The following SH3GL3 variants were observed in gnomAD, a reference collection of about 807,000 sequenced individuals.
SH3GL3 encodes the protein endophilin-A3.
A neutral mutation model predicts 47.7 loss-of-function variants in SH3GL3; 33 were observed. The observed-to-expected ratio is 0.69, with a 90% CI of 0.52 to 0.92. SH3GL3 has a LOEUF of 0.92. SH3GL3 is among the 40% of genes least tolerant of loss of function. SH3GL3 has a pLI of 0.00. For synonymous variants in SH3GL3, 155 were observed against 148.8 expected (o/e 1.04, Z -0.30); for missense variants, 363 against 417.8 (o/e 0.87, Z 1.14).
chr15:83,516,372 A>T (rs1290338876), intron 1 of SH3GL3, among the ~76,000 whole-genome samples: 1 of 152,092 alleles, frequency 6.6e-6, no homozygotes, highest in African/African-American at 2.4e-5. Context: ...TGTGGCAATC[A>T]CTTATTGCTT....
At chr15:83,538,893 G>T (rs904154212) in intron 1 of SH3GL3, among the ~76,000 whole-genome samples, 1 of 152,102 alleles carries the variant, frequency 6.6e-6, no homozygotes, top group Non-Finnish European at 1.5e-5. Flanking sequence ...GAGTCATAGG[G>T]TATGGTTATT....
At chr15:83,481,312 A>T (rs2041346955) in intron 1 of SH3GL3, among the ~76,000 whole-genome samples, 1 of 151,586 alleles carries the variant, frequency 6.6e-6, no homozygotes, top group African/African-American at 2.4e-5. Context: ...TTCCTGTCAC[A>T]GGGAGCGGAA....
At chr15:83,478,764 C>T (rs775732696) in intron 1 of SH3GL3, among the ~76,000 whole-genome samples, 1 of 152,176 alleles carries the variant, frequency 6.6e-6, no homozygotes, top group African/African-American at 2.4e-5. Context: ...GGGTAAAGAG[C>T]AGCTCCAACA....
At chr15:83,503,003 T>C (rs2042355619) in intron 1 of SH3GL3, among the ~76,000 whole-genome samples, 1 of 152,206 alleles carries the variant, frequency 6.6e-6, no homozygotes, top group Non-Finnish European at 1.5e-5. Context: ...TGAGTGTTTG[T>C]AGTGGCTTTT....
intron 1 of SH3GL3, chr15:83,489,227 T>C (rs1401077607): frequency 6.6e-6 from 1 of 152,228 alleles, no homozygotes; most frequent in African/African-American, 2.4e-5. Flanking sequence ...CTGGGAATCA[T>C]GCTCATTGAT....
chr15:83,466,940 A>G (rs1171130894), intron 1 of SH3GL3, among the ~76,000 whole-genome samples: 1 of 152,184 alleles, frequency 6.6e-6, no homozygotes, highest in Non-Finnish European at 1.5e-5. Context: ...TATATTATAG[A>G]TATTAGTCCT....
chr15:83,568,720 T>A (rs748643252), intron 4 of SH3GL3, 48 bp downstream of exon 4: 9 of 1,463,438 alleles, frequency 6.1e-6, no homozygotes, highest in Middle Eastern at 3.5e-4. Flanking sequence ...TCCTCCAGTA[T>A]GGTTTTAGGT....
chr15:83,626,175 T>A, the SH3GL3 span, among the ~76,000 whole-genome samples: 2 of 152,190 alleles, frequency 1.3e-5, no homozygotes, highest in Non-Finnish European at 2.9e-5. Flanking sequence ...CTTTTTTTCT[T>A]ACCATTAAGA....
chr15:83,463,012 C>T (rs950273624), intron 1 of SH3GL3, among the ~76,000 whole-genome samples: 6 of 152,194 alleles, frequency 3.9e-5, no homozygotes, highest in African/African-American at 9.6e-5. Flanking sequence ...AAGGGGGAAA[C>T]GTGAAAGTTG....
At chr15:83,601,348 T>G (rs1294218461) in intron 8 of SH3GL3, among the ~76,000 whole-genome samples, 1 of 152,188 alleles carries the variant, frequency 6.6e-6, no homozygotes, top group East Asian at 1.9e-4. Context: ...ATAGATGGTT[T>G]TTATTACATT....
At chr15:83,600,153 TCTGA>T (rs975239243) in intron 8 of SH3GL3, among the ~76,000 whole-genome samples, 3 of 152,180 alleles carry the variant, frequency 2.0e-5, no homozygotes, top group Non-Finnish European at 4.4e-5. Context: ...GTCTGTACAC[TCTGA>T]CTGTTCCTTT....
chr15:83,553,921 C>G (rs987132496), intron 1 of SH3GL3, among the ~76,000 whole-genome samples: 16 of 152,044 alleles, frequency 1.1e-4, no homozygotes, highest in Non-Finnish European at 1.8e-4. Context: ...CATACTTTCC[C>G]TCTTGGTTCG....
intron 8 of SH3GL3, among the ~76,000 whole-genome samples, chr15:83,593,814 A>C (rs886467200): frequency 6.7e-6 from 1 of 149,170 alleles, no homozygotes; most frequent in Non-Finnish European, 1.5e-5. Context: ...TAGATTTTTC[A>C]TAGATTTTTT....
chr15:83,522,579 T>C (rs143084515), intron 1 of SH3GL3, among the ~76,000 whole-genome samples: 1 of 152,368 alleles, frequency 6.6e-6, no homozygotes, highest in East Asian at 1.9e-4. Context: ...ATACTGTTAC[T>C]ACGTTAATTT....
intron 8 of SH3GL3, among the ~76,000 whole-genome samples, chr15:83,612,707 A>G (rs1467591070): frequency 6.6e-6 from 1 of 152,118 alleles, no homozygotes; most frequent in Non-Finnish European, 1.5e-5. Context: ...TTCTCACTGC[A>G]GGCCCCTTCC....
intron 6 of SH3GL3, among the ~76,000 whole-genome samples, chr15:83,585,257 C>A (rs1006766319): frequency 6.6e-6 from 1 of 152,212 alleles, no homozygotes; most frequent in Non-Finnish European, 1.5e-5. Context: ...TTCCCAAAGT[C>A]AGCCACCCAA....
In SH3GL3 at chr15:83,562,030, AACACACACACACACACACAC is replaced by A. The variant is rs55856428; in HGVS notation, c.114+2742_114+2761del. On this transcript the variant is annotated intron_variant, in intron 2 of 8. Coordinates refer to ENST00000427482, the MANE Select transcript of SH3GL3 (RefSeq NM_003027.5). ...TTGACTTGAACAGACACACACACAC[AACACACACACACACACACAC>A]ACACACACACACACACACACACACA... Among the ~76,000 whole-genome samples the A allele has an allele frequency of 5.8e-3, 771 of 133,074 alleles. 3 individuals carry two copies. The highest frequency in any genetic ancestry group is 0.011 in the Middle Eastern group (3 of 270). The allele number at this position is 133,074 out of a possible 152,430, so 87.3% of individuals were successfully genotyped here. A position where few individuals can be genotyped will look rare whatever the true frequency, so the allele number is the denominator to read the frequency against.
At chr15:83,626,980 AC>A in the SH3GL3 span, among the ~76,000 whole-genome samples, 2 of 152,170 alleles carry the variant, frequency 1.3e-5, no homozygotes, top group African/African-American at 4.8e-5. Context: ...AAATATCATG[AC>A]CTTTCCGTAT....
chr15:83,541,352 G>T (rs1297603282), intron 1 of SH3GL3, among the ~76,000 whole-genome samples: 2 of 26,684 alleles, frequency 7.5e-5, no homozygotes, highest in African/African-American at 1.2e-4. Flanking sequence ...TTTTTTTTTT[G>T]AGACGGAGTC....
Sources: allele counts gnomAD v4.1 joint callset (sites outside exome capture counted in the v4.1 genomes callset), GRCh38; gene constraint gnomAD v4.1.1; transcripts MANE v1.5; gene names NCBI Gene and HGNC (gene_info 2026-07-23, HGNC 2026-07-21).